Variants in CYP4B1 observed in about 807,000 individuals in gnomAD.
The protein encoded by CYP4B1 is cytochrome P450 4B1.
In CYP4B1, 45 loss-of-function variants were observed where a neutral mutation model predicts 54.0. That is an observed-to-expected ratio of 0.83 (90% CI 0.66 to 1.07). CYP4B1 has a LOEUF of 1.07. Among genes scored for constraint, CYP4B1 ranks in the 50% least tolerant of loss-of-function variants. CYP4B1 has a pLI of 0.00. For synonymous variants in CYP4B1, 248 were observed against 247.5 expected (o/e 1.00, Z -0.02); for missense variants, 656 against 655.4 (o/e 1.00, Z -0.01).
chr1:46,811,853 G>A lies in CYP4B1; in HGVS notation c.368-643G>A, dbSNP rs375031433. Among the ~76,000 whole-genome samples, 8 of 152,326 alleles carry A rather than the reference G, an allele frequency of 5.3e-5. No individual in the cohort carries two copies. The South Asian group carries it at 1.7e-3, about 32-fold the overall frequency. On this transcript the variant is annotated intron_variant, in intron 3 of 11. Transcript: ENST00000371923. ...TTCCTGGGAGCTGAGAAAGGGCAGG[G>A]CCAAGAGGGAGAACACATTCCCAAT...
At position 46,818,755 on chromosome 1, in the gene CYP4B1, C is replaced by T. The variant is rs371613738; in HGVS notation, c.1480C>T (p.Arg494Cys). 76 of 1,614,068 alleles carry T rather than the reference C, an allele frequency of 4.7e-5. 2 individuals carry two copies. The highest frequency in any genetic ancestry group is 3.3e-4 in the Middle Eastern group (2 of 6,082). ...CATCAAGATGCCCCAGCTTGTCCTG[C>T]GCTCCAAGAATGGCTTTCACCTCCA... ...LPIKMPQLVL[R>C]SKNGFHLHLK... Residue 494 changes from arginine to cysteine, a missense_variant, in exon 12 of 12, where the codon CGC becomes TGC. Physicochemically the swap from Arg to Cys is radical, Grantham distance 180. Coordinates refer to ENST00000371923, the MANE Select transcript of CYP4B1 (RefSeq NM_001099772.2).
chr1:46,815,008 T>C (rs1223245839), intron 7 of CYP4B1, 66 bp from the exon 8 acceptor site: 1 of 1,429,082 alleles, frequency 7.0e-7, no homozygotes, highest in Non-Finnish European at 9.8e-7. Context: ...CAACCACCAT[T>C]ATGAGTTCTT....
In CYP4B1 at chr1:46,812,303, G is replaced by A. The variant is rs1048247264; in HGVS notation, c.368-193G>A. The stretch of plus-strand genomic sequence containing the variant: ...CTGTCCTAAGGAAGGAGCTCACTCA[G>A]CCAAGAACTGCTGCCACCTGTCTCC... On this transcript the variant is annotated intron_variant, in intron 3 of 11. Coordinates refer to ENST00000371923, the MANE Select transcript of CYP4B1 (RefSeq NM_001099772.2). 5 of 706,662 alleles carry A rather than the reference G, an allele frequency of 7.1e-6. No individual in the cohort carries two copies. The African/African-American group carries it at 8.7e-5, about 12-fold the overall frequency. The allele number at this position is 706,662 out of a possible 1,614,324, so 43.8% of individuals were successfully genotyped here.
In CYP4B1 at chr1:46,799,235, C is replaced by T; in HGVS notation, c.154C>T (p.His52Tyr). Residue 52 changes from histidine to tyrosine, a missense_variant, in exon 1 of 12, where the codon CAC becomes TAC. Coordinates refer to ENST00000371923, the MANE Select transcript of CYP4B1 (RefSeq NM_001099772.2). ...AMDKFPGPPT[H>Y]WLFGHALEIQ... Reference sequence around the variant, plus strand: ...GGACAAATTCCCAGGGCCTCCCACCCACTGGCTTTTTGGACATGCCCTCGA... The same window carrying T: ...GGACAAATTCCCAGGGCCTCCCACCTACTGGCTTTTTGGACATGCCCTCGA... 6.2e-7 allele frequency: 1 copy of T among 1,600,212 alleles called. No individual in the cohort carries two copies. Among genetic ancestry groups the T allele is most frequent in the Non-Finnish European group, 8.5e-7 (1 of 1,173,278 alleles).
At position 46,818,946 on chromosome 1, in the gene CYP4B1, T is replaced by G; in HGVS notation, c.*132T>G. On this transcript the variant is annotated 3_prime_UTR_variant, in exon 12 of 12. Coordinates refer to ENST00000371923, the MANE Select transcript of CYP4B1 (RefSeq NM_001099772.2). ...TGTAGTTTAGAAGGGAAGTAGGCATTACCATAGACGACTCCTAGAGGACAG... is the reference window on the plus strand; with the variant it reads ...TGTAGTTTAGAAGGGAAGTAGGCATGACCATAGACGACTCCTAGAGGACAG... 1.4e-6 allele frequency: 1 copy of G among 725,314 alleles called. No individual in the cohort carries two copies. Among genetic ancestry groups the G allele is most frequent in the Non-Finnish European group, 2.3e-6 (1 of 441,454 alleles). The allele number at this position is 725,314 out of a possible 1,614,324, so 44.9% of individuals were successfully genotyped here. A position where few individuals can be genotyped will look rare whatever the true frequency, so the allele number is the denominator to read the frequency against.
rs772900572 is a variant in CYP4B1, at chr1:46,810,897, C to T, written c.270C>T (p.Gly90=). The change falls in exon 2 of 12, where the codon GGC becomes GGT. Residue 90 remains glycine (G), a synonymous_variant. Transcript: ENST00000371923. ...CACTCTGGTTCGGACAGTTCATTGG[C>T]TTCCTGAACATCTATGAGCCTGACT... The part of the protein sequence containing the change: ...AHPLWFGQFI[G]FLNIYEPDYA... 1.9e-5 allele frequency: 31 copies of T among 1,614,146 alleles called. No homozygotes were observed. The East Asian group carries it at 5.6e-4, about 29-fold the overall frequency.
At chr1:46,811,726 A>G (rs1003072465) in intron 3 of CYP4B1, among the ~76,000 whole-genome samples, 5 of 152,122 alleles carry the variant, frequency 3.3e-5, no homozygotes, top group African/African-American at 1.2e-4. Context: ...TTTTTCCTTT[A>G]CAGAGGTACT....
intron 8 of CYP4B1, among the ~76,000 whole-genome samples, chr1:46,816,608 C>A (rs572458012): frequency 8.9e-6 from 1 of 112,820 alleles, no homozygotes. Context: ...ACACACACTT[C>A]ACCTCATTAA....
intron 1 of CYP4B1, among the ~76,000 whole-genome samples, chr1:46,805,169 C>T (rs1678809759): frequency 6.6e-6 from 1 of 152,246 alleles, no homozygotes; most frequent in Non-Finnish European, 1.5e-5. Flanking sequence ...CAGATGACTG[C>T]ATCCCCTTGG....
chr1:46,799,438 C>G (rs894219740), intron 1 of CYP4B1, among the ~76,000 whole-genome samples, 177 bp downstream of exon 1: 2 of 152,228 alleles, frequency 1.3e-5, no homozygotes, highest in Non-Finnish European at 2.9e-5. Flanking sequence ...TCACTCCAGC[C>G]TTTCAAGCTG....
intron 8 of CYP4B1, among the ~76,000 whole-genome samples, chr1:46,816,106 C>G (rs1464391112): frequency 6.6e-6 from 1 of 152,182 alleles, no homozygotes; most frequent in Non-Finnish European, 1.5e-5. Flanking sequence ...GAGAATCCCC[C>G]CCCCACGGGG....
In CYP4B1 at chr1:46,813,574, C is replaced by G; in HGVS notation, c.588C>G (p.Thr196=). The change falls in exon 5 of 12, where the codon ACC becomes ACG. Residue 196 remains threonine, a synonymous_variant. Coordinates refer to ENST00000371923, the MANE Select transcript of CYP4B1 (RefSeq NM_001099772.2). The part of the protein sequence containing the change: ...HMALNTLMKC[T]FGRGDTGLGH... ...CGCTGAACACACTCATGAAGTGCAC[C>G]TTTGGAAGAGGAGACACCGGCCTGG... 6.2e-7 allele frequency: 1 copy of G among 1,614,170 alleles called. No individual in the cohort carries two copies. The highest frequency in any genetic ancestry group is 8.5e-7 in the Non-Finnish European group (1 of 1,180,042).
rs763330238 is a variant in CYP4B1 at position 46,815,245 on chromosome 1, G to C, written c.1054G>C (p.Asp352His). 5 of 1,569,538 alleles carry C rather than the reference G, an allele frequency of 3.2e-6. No homozygotes were observed. Among genetic ancestry groups the C allele is most frequent in the Non-Finnish European group, 3.5e-6 (4 of 1,156,288 alleles). Residue 352 changes from aspartate (D) to histidine (H), a missense_variant, in exon 8 of 12, where the codon GAC becomes CAC. By Grantham distance (81) the Asp-to-His change is moderately conservative (BLOSUM62 -1). Transcript: ENST00000371923. ...AGAGGAGGTCCGCGAGATCCTAGGGGACCAGGACTTCTTCCAGTGGTGAGT... is the reference window on the plus strand; with the variant it reads ...AGAGGAGGTCCGCGAGATCCTAGGGCACCAGGACTTCTTCCAGTGGTGAGT... ...CREEVREILG[D>H]QDFFQWDDLG...
At chr1:46,816,486 G>T (rs1679336853) in intron 8 of CYP4B1, among the ~76,000 whole-genome samples, 1 of 152,048 alleles carries the variant, frequency 6.6e-6, no homozygotes, top group Non-Finnish European at 1.5e-5. Flanking sequence ...ATAAGAGCCA[G>T]TGGGGAGTTT....
chr1:46,817,510 G>A (rs1679384391), intron 9 of CYP4B1, among the ~76,000 whole-genome samples: 1 of 152,196 alleles, frequency 6.6e-6, no homozygotes, highest in African/African-American at 2.4e-5. Context: ...CATAGACTAT[G>A]ATGCTGTGCA....
At chr1:46,800,045 C>T (rs533372913) in intron 1 of CYP4B1, among the ~76,000 whole-genome samples, 1 of 152,138 alleles carries the variant, frequency 6.6e-6, no homozygotes, top group Admixed American at 6.5e-5. Context: ...ATTTATAAAC[C>T]TGTCCAAGTG....
chr1:46,800,677 C>T (rs1678621456), intron 1 of CYP4B1, among the ~76,000 whole-genome samples: 1 of 152,142 alleles, frequency 6.6e-6, no homozygotes, highest in Non-Finnish European at 1.5e-5. Context: ...CCTTCTCCTA[C>T]CTTCTGAACT....
chr1:46,799,301 C>A (rs1348756346), intron 1 of CYP4B1, 40 bp downstream of exon 1: 2 of 1,532,274 alleles, frequency 1.3e-6, no homozygotes, highest in Non-Finnish European at 1.8e-6. Context: ...AAGAAAACAT[C>A]CTCCCTCCTT....
At chr1:46,813,200 A>T (rs189178310) in intron 4 of CYP4B1, among the ~76,000 whole-genome samples, 38 of 152,016 alleles carry the variant, frequency 2.5e-4, no homozygotes, top group Admixed American at 2.2e-3. Context: ...CAGCCATCCT[A>T]CTCCCTTATA....
Sources: gnomAD v4.1 joint callset for allele counts (sites outside exome capture counted in the v4.1 genomes callset) on GRCh38, gnomAD v4.1.1 for gene constraint, MANE v1.5 for transcripts, NCBI Gene and HGNC (gene_info 2026-07-23, HGNC 2026-07-21) for gene names.